The following LINGO2 variants were observed in gnomAD, a reference collection of about 807,000 sequenced individuals.
LINGO2 encodes the protein leucine rich repeat and Ig domain containing 2.
In LINGO2, 14 loss-of-function variants were observed where a neutral mutation model predicts 30.6. The ratio of observed to expected loss-of-function variants is 0.46; its 90% confidence interval spans 0.30 to 0.72. The LOEUF (loss-of-function observed/expected upper bound fraction) is 0.72, where lower values mean the gene tolerates loss of function less well. Ranked by LOEUF, LINGO2 falls within the 30% of genes least tolerant of loss-of-function variation. LINGO2 has a pLI of 0.07. For synonymous variants in LINGO2, 317 were observed against 288.5 expected, an observed-to-expected ratio of 1.10 and a Z score of -1.00; for missense variants, 729 against 751.7, an observed-to-expected ratio of 0.97 and a Z score of 0.35.
At chr9:29,015,661 T>C in the LINGO2 span, among the ~76,000 whole-genome samples, 3 of 152,206 alleles carry the variant, frequency 2.0e-5, no homozygotes, top group East Asian at 3.9e-4. Flanking sequence ...GTACAATCTA[T>C]AGATTAAAAA....
the LINGO2 span, among the ~76,000 whole-genome samples, chr9:28,819,417 A>T: frequency 6.6e-6 from 1 of 152,142 alleles, no homozygotes; most frequent in Non-Finnish European, 1.5e-5. Context: ...TTATAAAAAA[A>T]GTTTCATTGT....
At chr9:29,179,230 T>C in the LINGO2 span, among the ~76,000 whole-genome samples, 1 of 142,826 alleles carries the variant, frequency 7.0e-6, no homozygotes, top group East Asian at 2.1e-4. Context: ...ATGATTCTAT[T>C]ATTCATGGCC....
chr9:28,765,215 A>G, the LINGO2 span, among the ~76,000 whole-genome samples: 1 of 152,100 alleles, frequency 6.6e-6, no homozygotes, highest in African/African-American at 2.4e-5. Context: ...AAACAAAATA[A>G]AAAGTGGGGG....
the LINGO2 span, among the ~76,000 whole-genome samples, chr9:28,866,334 A>G: frequency 6.6e-6 from 1 of 152,088 alleles, no homozygotes; most frequent in Admixed American, 6.6e-5. Flanking sequence ...CCCCTGTGTC[A>G]TTTTCTACTT....
intron 2 of LINGO2, among the ~76,000 whole-genome samples, chr9:28,469,537 CA>C (rs1825439962): frequency 6.6e-6 from 1 of 151,796 alleles, no homozygotes; most frequent in Admixed American, 6.6e-5. Context: ...TTCTGAAGGC[CA>C]AAAACAGGGA....
chr9:27,988,080 C>T (rs962521254), intron 5 of LINGO2, among the ~76,000 whole-genome samples: 7 of 152,022 alleles, frequency 4.6e-5, no homozygotes. Flanking sequence ...TTAATTCCCA[C>T]CTATGATCGA....
At position 28,129,965 on chromosome 9, in the gene LINGO2, T is replaced by C. The variant is rs1472341326; in HGVS notation, c.-86-117560A>G. On this transcript the variant is annotated intron_variant, in intron 4 of 5. Transcript: ENST00000379992. This position sits in a 1 kb window ranked among gnomAD's most constrained non-coding sequence, Gnocchi z 4.0. The stretch of plus-strand genomic sequence containing the variant: ...TGAATCTTTGTGGTATAACAACTTA[T>C]GTTCCAGTAACTTCTATTTTAGTAG... Among the ~76,000 whole-genome samples, 1 of 152,236 alleles carries C rather than the reference T, an allele frequency of 6.6e-6. No homozygotes were observed. Among genetic ancestry groups the C allele is most frequent in the South Asian group, 2.1e-4 (1 of 4,828 alleles).
chr9:29,105,153 T>C, the LINGO2 span, among the ~76,000 whole-genome samples: 4 of 152,192 alleles, frequency 2.6e-5, no homozygotes, highest in Non-Finnish European at 5.9e-5. Flanking sequence ...TTCACAAATA[T>C]TTGAACACCA....
intron 5 of LINGO2, among the ~76,000 whole-genome samples, chr9:27,964,567 C>A (rs1045975170): frequency 6.6e-6 from 1 of 152,040 alleles, no homozygotes; most frequent in African/African-American, 2.4e-5. Flanking sequence ...CTAAATTGAG[C>A]AGACAATATA....
chr9:28,639,612 A>C (rs2135927218), intron 1 of LINGO2, among the ~76,000 whole-genome samples: 1 of 152,144 alleles, frequency 6.6e-6, no homozygotes, highest in South Asian at 2.1e-4. Context: ...GTTGGTTTAA[A>C]GTCTGTTTTA....
At chr9:28,487,036 C>T (rs776634410) in intron 1 of LINGO2, among the ~76,000 whole-genome samples, 1 of 152,046 alleles carries the variant, frequency 6.6e-6, no homozygotes, top group Non-Finnish European at 1.5e-5. Flanking sequence ...AAAAATGTAA[C>T]CCATATATAG....
At chr9:28,698,140 AG>A in the LINGO2 span, among the ~76,000 whole-genome samples, 1 of 152,064 alleles carries the variant, frequency 6.6e-6, no homozygotes, top group Non-Finnish European at 1.5e-5. Flanking sequence ...ATATTCCTGA[AG>A]GTTAAACTTC....
At chr9:28,150,770 T>C (rs115631708) in intron 4 of LINGO2, among the ~76,000 whole-genome samples, 1,840 of 152,236 alleles carry the variant, frequency 0.012, 41 homozygotes, top group African/African-American at 0.042. Flanking sequence ...CAAAATAAGA[T>C]AGTAAGCAGG....
chr9:29,189,611 G>GTGC, the LINGO2 span, among the ~76,000 whole-genome samples: 3 of 151,800 alleles, frequency 2.0e-5, no homozygotes, highest in Admixed American at 1.3e-4. Context: ...CCCAGACGGG[G>GTGC]TGGCGGCCGG....
intron 1 of LINGO2, among the ~76,000 whole-genome samples, chr9:28,664,941 A>C (rs960215920): frequency 6.8e-6 from 1 of 147,800 alleles, no homozygotes; most frequent in African/African-American, 2.5e-5. Context: ...ACCCATCTAG[A>C]ACATAAGGTC....
the LINGO2 span, among the ~76,000 whole-genome samples, chr9:29,033,647 A>C: frequency 6.6e-6 from 1 of 151,984 alleles, no homozygotes; most frequent in African/African-American, 2.4e-5. Context: ...ATATAAAATA[A>C]AAATAATTAT....
In LINGO2 at chr9:27,989,987, G is replaced by A. The variant is rs149653631; in HGVS notation, c.-36+22368C>T. Among the ~76,000 whole-genome samples the A allele has an allele frequency of 2.0e-3, 300 of 152,124 alleles. 3 individuals carry two copies. Among genetic ancestry groups the A allele is most frequent in the African/African-American group, 6.9e-3 (286 of 41,520 alleles). ...GGAATGAGAAGTGGTTCCAGCTCTA[G>A]GAACCTCAATCAAGCCACAAGTCTG... On this transcript the variant is annotated intron_variant, in intron 5 of 5. Transcript: ENST00000379992.
At chr9:28,383,997 A>C (rs1420467480) in intron 2 of LINGO2, among the ~76,000 whole-genome samples, 3 of 152,096 alleles carry the variant, frequency 2.0e-5, no homozygotes, top group Non-Finnish European at 4.4e-5. Flanking sequence ...CAGCTATGAA[A>C]GTCATTTACA....
At chr9:29,117,126 T>C in the LINGO2 span, among the ~76,000 whole-genome samples, 3 of 152,244 alleles carry the variant, frequency 2.0e-5, no homozygotes, top group Admixed American at 1.3e-4. Context: ...GAACTTCTCA[T>C]AGGTCAGATT....
Sources: gnomAD v4.1 joint callset for allele counts (sites outside exome capture counted in the v4.1 genomes callset) on GRCh38, gnomAD v4.1.1 for gene constraint, Gnocchi (gnomAD v3.1) non-coding constraint, MANE v1.5 for transcripts, NCBI Gene and HGNC (gene_info 2026-07-23, HGNC 2026-07-21) for gene names.